Variants in ALDH1L2 observed in about 807,000 individuals in gnomAD.
ALDH1L2 encodes aldehyde dehydrogenase 1 family member L2, also known as mitochondrial 10-formyltetrahydrofolate dehydrogenase.
A neutral mutation model predicts 111.0 loss-of-function variants in ALDH1L2; 91 were observed. The ratio of observed to expected loss-of-function variants is 0.82; its 90% CI spans 0.69 to 0.98. The LOEUF (loss-of-function observed/expected upper bound fraction) is 0.98, where lower values mean the gene tolerates loss of function less well. Ranked by LOEUF, ALDH1L2 falls within the 50% of genes least tolerant of loss-of-function variation. ALDH1L2 has a pLI of 0.00. For missense variants in ALDH1L2, 995 were observed against 1,126.8 expected (o/e 0.88, Z 1.67); for synonymous variants, 374 against 392.6 (o/e 0.95, Z 0.56).
rs912352607 is a variant in ALDH1L2, at chr12:105,084,410, G to A, written c.27C>T (p.Leu9=). The change falls in exon 1 of 23, where the codon CTC becomes CTT. Residue 9 remains leucine (L), a synonymous_variant. Transcript: ENST00000258494. ...TCACCCGGCCAGTGGAGAAGCGCCGGAGCGCCTGGCTGCCCCGCCGCAGCA... is the reference window on the plus strand; with the variant it reads ...TCACCCGGCCAGTGGAGAAGCGCCGAAGCGCCTGGCTGCCCCGCCGCAGCA... MLRRGSQA[L]RRFSTGRVYF... is the part of the protein sequence containing the mutation. 20 of 1,495,500 alleles carry A rather than the reference G, an allele frequency of 1.3e-5. No homozygotes were observed. The highest frequency in any genetic ancestry group is 1.6e-5 in the Non-Finnish European group (18 of 1,129,436). 92.6% of individuals were successfully genotyped at this position (1,495,500 alleles called of 1,614,324 possible). A position where few individuals can be genotyped will look rare whatever the true frequency, so the allele number is the denominator to read the frequency against.
rs577735953 is a variant in ALDH1L2 at position 105,060,363 on chromosome 12, A to G, written c.1139+618T>C. 2.6e-5 allele frequency: 4 copies of G among 152,302 alleles called. No individual in the cohort carries two copies. In the East Asian group the frequency reaches 7.7e-4, roughly 29 times the overall value. The allele number at this position is 152,302 out of a possible 1,614,324, so 9.4% of individuals were successfully genotyped here. The stretch of plus-strand genomic sequence containing the variant: ...CAATTCTGATGTCATATTGGAGGAA[A>G]ATTAGCTAAGAAACTGGAAGGACAA... On this transcript the variant is annotated intron_variant, in intron 9 of 22. Transcript: ENST00000258494.
At position 105,038,141 on chromosome 12, in the gene ALDH1L2, T is replaced by C. The variant is rs1251583728; in HGVS notation, c.2107A>G (p.Ile703Val). ...LELGGKSPLI[I>V]FNDCELDKAV... The stretch of plus-strand genomic sequence containing the variant: ...TTGTCAAGTTCACAGTCATTAAATA[T>C]TATAAGTGGAGACTTGCCACCAAGC... Residue 703 changes from isoleucine to valine, a missense_variant, in exon 18 of 23, where the codon ATA (isoleucine) becomes GTA (valine). Transcript: ENST00000258494. 2 of 1,613,640 alleles carry C rather than the reference T, an allele frequency of 1.2e-6. No homozygotes were observed. The highest frequency in any genetic ancestry group is 1.3e-5 in the African/African-American group (1 of 74,892).
intron 4 of ALDH1L2, among the ~76,000 whole-genome samples, chr12:105,067,006 A>C (rs1169349585): frequency 3.3e-5 from 5 of 152,160 alleles, no homozygotes; most frequent in African/African-American, 1.2e-4. Flanking sequence ...AGGCAGGCGG[A>C]TCACGAAGTC....
At chr12:105,031,711 T>C in intron 20 of ALDH1L2, 58 bp downstream of exon 20, 2 of 1,578,268 alleles carry the variant, frequency 1.3e-6, no homozygotes, top group Non-Finnish European at 8.6e-7. Flanking sequence ...AAACTGTCGC[T>C]GTCCATTCCA....
At chr12:105,045,276 G>T (rs530290188) in intron 15 of ALDH1L2, among the ~76,000 whole-genome samples, 1 of 152,006 alleles carries the variant, frequency 6.6e-6, no homozygotes, top group Non-Finnish European at 1.5e-5. Context: ...GTAGAGATGG[G>T]GTTTCACCAT....
chr12:105,068,934 A>G, intron 3 of ALDH1L2, 50 bp from the exon 4 acceptor site: 3 of 1,382,656 alleles, frequency 2.2e-6, no homozygotes, highest in Non-Finnish European at 2.9e-6. Context: ...TGTATCATAA[A>G]GTGATGAATT....
intron 12 of ALDH1L2, among the ~76,000 whole-genome samples, chr12:105,051,214 T>C (rs1876239305): frequency 6.6e-6 from 1 of 152,228 alleles, no homozygotes. Flanking sequence ...CTCTGTGACC[T>C]TGACCCTGGT....
intron 1 of ALDH1L2, among the ~76,000 whole-genome samples, chr12:105,077,725 T>G (rs1375453570): frequency 7.1e-6 from 1 of 141,534 alleles, no homozygotes; most frequent in African/African-American, 2.7e-5. Context: ...AGACCCTGAC[T>G]ATGCTCCAAG....
intron 13 of ALDH1L2, among the ~76,000 whole-genome samples, chr12:105,049,409 C>G (rs955424973): frequency 6.6e-6 from 1 of 152,150 alleles, no homozygotes; most frequent in Non-Finnish European, 1.5e-5. Context: ...GTTGTTATAA[C>G]CATTGCGAGG....
Position 105,024,322 on chromosome 12 carries a change from G to C in ALDH1L2, c.*102C>G, listed in dbSNP as rs1370998280. ...TCATGGTCCATCTGTGTATTTTTTG[G>C]TTTGTGGCTGACACCTCCTGCCTCA... On this transcript the variant is annotated 3_prime_UTR_variant, in exon 23 of 23. Coordinates refer to ENST00000258494, the MANE Select transcript of ALDH1L2 (RefSeq NM_001034173.4). 1 of 1,387,326 alleles carries C rather than the reference G, an allele frequency of 7.2e-7. No individual in the cohort carries two copies. Among genetic ancestry groups the C allele is most frequent in the East Asian group, 2.3e-5 (1 of 43,840 alleles). The allele number at this position is 1,387,326 out of a possible 1,614,324, so 85.9% of individuals were successfully genotyped here. A position where few individuals can be genotyped will look rare whatever the true frequency, so the allele number is the denominator to read the frequency against.
In ALDH1L2 at chr12:105,034,983, C is replaced by CATTAA. The variant is rs1555224168; in HGVS notation, c.2146-586_2146-585insTTAAT. 7.6e-3 allele frequency among the ~76,000 whole-genome samples: 1,069 copies of CATTAA among 139,990 alleles called. 12 individuals are homozygous for CATTAA. Among genetic ancestry groups the CATTAA allele is most frequent in the African/African-American group, 0.028 (957 of 33,938 alleles). 91.8% of individuals were successfully genotyped at this position (139,990 alleles called of 152,430 possible). A position where few individuals can be genotyped will look rare whatever the true frequency, so the allele number is the denominator to read the frequency against. Reference sequence around the variant, plus strand: ...TGGGCGACAGAGCTAGATTCCATCTCATAAATAAATAAATAAATAAAAGAA... The same window carrying CATTAA: ...TGGGCGACAGAGCTAGATTCCATCTCATTAAATAAATAAATAAATAAATAAAAGAA... On this transcript the variant is annotated intron_variant, in intron 18 of 22. Coordinates refer to ENST00000258494, the MANE Select transcript of ALDH1L2 (RefSeq NM_001034173.4).
intron 19 of ALDH1L2, among the ~76,000 whole-genome samples, chr12:105,032,530 C>T (rs759600173): frequency 3.9e-5 from 6 of 151,976 alleles, no homozygotes; most frequent in Non-Finnish European, 8.8e-5. Flanking sequence ...TGAGCCACCG[C>T]GCCCAGCTGC....
At chr12:105,046,207 ATATATATATATATATTTTT>A (rs1875872309) in intron 15 of ALDH1L2, among the ~76,000 whole-genome samples, 1 of 46,624 alleles carries the variant, frequency 2.1e-5, no homozygotes, top group African/African-American at 1.0e-4. Flanking sequence ...ATATATATAT[ATATATATATATATATTTTT>A]TTTTTTTTTT....
chr12:105,046,310 C>T (rs1320334507), intron 15 of ALDH1L2, among the ~76,000 whole-genome samples: 1 of 137,352 alleles, frequency 7.3e-6, no homozygotes, highest in African/African-American at 2.7e-5. Flanking sequence ...GATCTCGGCT[C>T]ATTGCAACCT....
intron 2 of ALDH1L2, among the ~76,000 whole-genome samples, chr12:105,071,652 T>A (rs1327265615): frequency 1.0e-3 from 41 of 40,616 alleles, no homozygotes; most frequent in Non-Finnish European, 1.2e-3. Flanking sequence ...ATTTTTTTTT[T>A]TTTTTTTTTT....
intron 21 of ALDH1L2, among the ~76,000 whole-genome samples, chr12:105,029,687 A>AT (rs1045396142): frequency 7.3e-5 from 11 of 151,294 alleles, no homozygotes; most frequent in African/African-American, 2.4e-4. Context: ...TCTATTCTTT[A>AT]TTTTTTTTTC....
intron 6 of ALDH1L2, 149 bp downstream of exon 6, chr12:105,065,118 C>T (rs1251352772): frequency 2.1e-6 from 1 of 468,050 alleles, no homozygotes; most frequent in African/African-American, 2.0e-5. Flanking sequence ...ACAATAAATG[C>T]TTAATACATG....
intron 6 of ALDH1L2, among the ~76,000 whole-genome samples, chr12:105,064,783 C>T (rs1351296324): frequency 1.3e-5 from 2 of 152,190 alleles, no homozygotes; most frequent in Non-Finnish European, 2.9e-5. Context: ...ACCCTTCAGG[C>T]CCTGCCCGCC....
At chr12:105,079,744 GA>G (rs1878248160) in intron 1 of ALDH1L2, among the ~76,000 whole-genome samples, 1 of 146,280 alleles carries the variant, frequency 6.8e-6, no homozygotes, top group Non-Finnish European at 1.5e-5. Context: ...GAAAAGAAAA[GA>G]TCACAGATAA....
Sources: gnomAD v4.1 joint callset for allele counts (sites outside exome capture counted in the v4.1 genomes callset) on GRCh38, gnomAD v4.1.1 for gene constraint, MANE v1.5 for transcripts, NCBI Gene and HGNC (gene_info 2026-07-23, HGNC 2026-07-21) for gene names.